Variants in ZBTB7C observed in about 807,000 individuals in gnomAD.
ZBTB7C encodes zinc finger and BTB domain containing 7C, also known as zinc finger and BTB domain-containing protein 7C.
In ZBTB7C, 8 loss-of-function variants were observed where a neutral mutation model predicts 25.7. The ratio of observed to expected loss-of-function variants is 0.31; its 90% CI spans 0.18 to 0.56. The LOEUF (loss-of-function observed/expected upper bound fraction) is 0.56. Ranked by LOEUF, ZBTB7C falls within the 20% of genes least tolerant of loss-of-function variation. The pLI is 0.91. For missense variants in ZBTB7C, 824 were observed against 855.2 expected, an observed-to-expected ratio of 0.96 and a Z score of 0.46; for synonymous variants, 394 against 369.0, an observed-to-expected ratio of 1.07 and a Z score of -0.78.
Position 48,167,597 on chromosome 18 carries a change from T to TGTGTGTGTGTGTGTGC in ZBTB7C, c.-17+18336_-17+18337insGCACACACACACACAC, listed in dbSNP as rs779870966. Among the ~76,000 whole-genome samples the TGTGTGTGTGTGTGTGC allele has an allele frequency of 1.5e-4, 22 of 148,154 alleles. No homozygotes were observed. In the East Asian group the frequency reaches 1.8e-3, roughly 12 times the overall value. On this transcript the variant is annotated intron_variant, in intron 3 of 4. Transcript: ENST00000590800. ...GTGTGTGTGTGTGTGTGTGTGTGTG[T>TGTGTGTGTGTGTGTGC]GCGCGCGTGCACACGCGCATGCGCC...
At chr18:48,409,723 A>G (rs1427159287), upstream of ZBTB7C, among the ~76,000 whole-genome samples, 3 of 151,932 alleles carry the variant, frequency 2.0e-5, no homozygotes, top group African/African-American at 7.2e-5. Context: ...GGGAGTCAGG[A>G]CCCGACGCGG....
chr18:48,403,698 A>C (rs1178443284), intron 1 of ZBTB7C, among the ~76,000 whole-genome samples: 1 of 152,226 alleles, frequency 6.6e-6, no homozygotes, highest in Non-Finnish European at 1.5e-5. Context: ...GATTATATCC[A>C]ATAAAAGACT....
chr18:48,201,418 T>C (rs1373772680), intron 2 of ZBTB7C, among the ~76,000 whole-genome samples: 1 of 152,178 alleles, frequency 6.6e-6, no homozygotes, highest in African/African-American at 2.4e-5. Flanking sequence ...GGGGCTCCTC[T>C]GATGTCCATT....
intron 3 of ZBTB7C, among the ~76,000 whole-genome samples, chr18:48,107,564 T>C (rs1002286185): frequency 3.3e-5 from 5 of 151,900 alleles, no homozygotes; most frequent in Admixed American, 1.3e-4. Flanking sequence ...AACCTGGAGA[T>C]GTTTCTGGTG....
rs1484540344 is a variant in ZBTB7C, at chr18:48,040,159, G to C, written c.949C>G (p.Leu317Val). Residue 317 changes from leucine to valine, a missense_variant, in exon 4 of 5, where the codon CTG (leucine) becomes GTG (valine). Leu to Val is a conservative substitution (Grantham distance 32, BLOSUM62 1). Transcript: ENST00000590800. ...ATGGGTCCCAGAGGCCCCCCCGGCA[G>C]GTCAGGGAACATGTCCTTGAAGAAG... The part of the protein sequence containing the change: ...NDFFKDMFPD[L>V]PGGPLGPIKA... The C allele has an allele frequency of 9.5e-6, 15 of 1,578,310 alleles. No individual in the cohort carries two copies. Among genetic ancestry groups the C allele is most frequent in the East Asian group, 2.2e-5 (1 of 44,650 alleles).
intron 2 of ZBTB7C, among the ~76,000 whole-genome samples, chr18:48,296,866 A>G (rs1185980881): frequency 2.0e-5 from 3 of 152,214 alleles, no homozygotes; most frequent in Non-Finnish European, 4.4e-5. Flanking sequence ...ATTGTGAACC[A>G]TGCATGTGAG....
In ZBTB7C at chr18:48,071,418, A is replaced by G. The variant is rs78707236; in HGVS notation, c.-16-30295T>C. ...AGATGCTCACCATCACTATTAGGAA[A>G]GGGTAAGTCAAAACTACAATGAAAT... On this transcript the variant is annotated intron_variant, in intron 3 of 4. Transcript: ENST00000590800. Among the ~76,000 whole-genome samples, 1,092 of 152,368 alleles carry G rather than the reference A, an allele frequency of 7.2e-3. 17 individuals are homozygous for G. The highest frequency in any genetic ancestry group is 0.025 in the African/African-American group (1,027 of 41,592).
At chr18:48,310,334 G>A (rs1329383971) in intron 2 of ZBTB7C, among the ~76,000 whole-genome samples, 5 of 151,736 alleles carry the variant, frequency 3.3e-5, no homozygotes, top group African/African-American at 4.8e-5. Context: ...CGTCTCTCCT[G>A]AGTAAGTGAA....
In ZBTB7C at chr18:48,287,293, T is replaced by C. The variant is rs184427478; in HGVS notation, c.-79+50881A>G. Among the ~76,000 whole-genome samples, 691 of 152,360 alleles carry C rather than the reference T, an allele frequency of 4.5e-3. 3 individuals carry two copies. Among genetic ancestry groups the C allele is most frequent in the Non-Finnish European group, 7.0e-3 (478 of 68,036 alleles). ...AAATATTTTTATATGCTTTATTAAC[T>C]TTATGCCAATTTGTTAGAAAACTTA... On this transcript the variant is annotated intron_variant, in intron 2 of 4. Transcript: ENST00000590800.
At chr18:48,301,899 G>A (rs1421184846) in intron 2 of ZBTB7C, among the ~76,000 whole-genome samples, 1 of 152,114 alleles carries the variant, frequency 6.6e-6, no homozygotes, top group Non-Finnish European at 1.5e-5. Context: ...CAGCAGGCAG[G>A]GTCAGCTAGA....
chr18:48,262,448 C>G (rs1185985772), intron 2 of ZBTB7C, among the ~76,000 whole-genome samples: 1 of 152,170 alleles, frequency 6.6e-6, no homozygotes, highest in Admixed American at 6.5e-5. Context: ...AGCTTGCTGT[C>G]TCACTAAGGA....
At chr18:48,047,899 A>T (rs1279550593) in intron 3 of ZBTB7C, among the ~76,000 whole-genome samples, 1 of 152,234 alleles carries the variant, frequency 6.6e-6, no homozygotes, top group African/African-American at 2.4e-5. Flanking sequence ...TAAAACAGGT[A>T]TGGAGAGGGC....
chr18:48,112,959 A>G (rs1450717431), intron 3 of ZBTB7C, among the ~76,000 whole-genome samples: 2 of 152,220 alleles, frequency 1.3e-5, no homozygotes, highest in African/African-American at 2.4e-5. Context: ...GATTCAGTGC[A>G]TCAGAGAAAA....
intron 3 of ZBTB7C, among the ~76,000 whole-genome samples, chr18:48,124,919 C>T (rs2039750968): frequency 6.6e-6 from 1 of 152,158 alleles, no homozygotes; most frequent in Non-Finnish European, 1.5e-5. Flanking sequence ...AGGATGGAGT[C>T]TAGGGCCAGG....
intron 2 of ZBTB7C, among the ~76,000 whole-genome samples, chr18:48,241,493 G>C (rs2043523253): frequency 6.6e-6 from 1 of 152,022 alleles, no homozygotes; most frequent in African/African-American, 2.4e-5. Context: ...AAACAGAAAT[G>C]ATATCAAGTA....
chr18:48,320,262 G>A (rs549884187), intron 2 of ZBTB7C, among the ~76,000 whole-genome samples: 32 of 152,348 alleles, frequency 2.1e-4, no homozygotes, highest in Non-Finnish European at 4.1e-4. Flanking sequence ...AGTGTGGCGG[G>A]AGTGGAGCGA....
chr18:48,137,662 A>T (rs1421930256), intron 3 of ZBTB7C, among the ~76,000 whole-genome samples: 1 of 152,262 alleles, frequency 6.6e-6, no homozygotes, highest in African/African-American at 2.4e-5. Context: ...TAACAAAAAA[A>T]AGAGGGAGTG....
chr18:48,197,817 T>C (rs757167313), intron 2 of ZBTB7C, among the ~76,000 whole-genome samples: 3 of 152,214 alleles, frequency 2.0e-5, no homozygotes, highest in Non-Finnish European at 4.4e-5. Flanking sequence ...TACAGCCATA[T>C]TGGGAGCTAG....
chr18:48,378,076 G>A (rs1351441725), intron 1 of ZBTB7C, among the ~76,000 whole-genome samples: 4 of 152,088 alleles, frequency 2.6e-5, no homozygotes, highest in African/African-American at 7.2e-5. Context: ...ACTTGAACCC[G>A]GGAGGCGGAG....
Sources: gnomAD v4.1 joint callset for allele counts (sites outside exome capture counted in the v4.1 genomes callset) on GRCh38, gnomAD v4.1.1 for gene constraint, MANE v1.5 for transcripts, NCBI Gene and HGNC (gene_info 2026-07-23, HGNC 2026-07-21) for gene names.